The following APP variants were observed in gnomAD, a reference collection of about 807,000 sequenced individuals.
APP encodes the protein amyloid-beta precursor protein.
In APP, 31 loss-of-function variants were observed where a neutral mutation model predicts 101.4. The ratio of observed to expected loss-of-function variants is 0.31; its 90% CI spans 0.23 to 0.41. APP has a LOEUF of 0.41. Ranked by LOEUF, APP falls within the 10% of genes least tolerant of loss-of-function variation. APP has a pLI of 1.00. For missense variants in APP, 839 were observed against 1,003.7 expected (o/e 0.84, Z 2.22); for synonymous variants, 366 against 364.4 (o/e 1.00, Z -0.05).
intron 17 of APP, among the ~76,000 whole-genome samples, chr21:25,887,266 T>C (rs1306308028): frequency 6.6e-6 from 1 of 152,156 alleles, no homozygotes; most frequent in African/African-American, 2.4e-5. Flanking sequence ...TTAGTGGGCT[T>C]TGCAGGAACG....
At chr21:25,907,926 C>G (rs2038873959) in intron 14 of APP, among the ~76,000 whole-genome samples, 1 of 151,648 alleles carries the variant, frequency 6.6e-6, no homozygotes, top group Admixed American at 6.5e-5. Context: ...AAGGCAGCTT[C>G]ACATTTTGCA....
chr21:26,109,277 T>C lies in APP; in HGVS notation c.225+2702A>G, dbSNP rs1179527297. Among the ~76,000 whole-genome samples, 6 of 152,336 alleles carry C rather than the reference T, an allele frequency of 3.9e-5. No homozygotes were observed. The East Asian group carries it at 1.2e-3, about 29-fold the overall frequency. On this transcript the variant is annotated intron_variant, in intron 2 of 17. Coordinates refer to ENST00000346798, the MANE Select transcript of APP (RefSeq NM_000484.4). The stretch of plus-strand genomic sequence containing the variant: ...CATGTCGAATTGTAATTCCCAGTGT[T>C]GGAAGTGGGGTCTGGTGGGAAGGGA...
At chr21:26,085,362 T>A (rs912445978) in intron 3 of APP, among the ~76,000 whole-genome samples, 1 of 152,088 alleles carries the variant, frequency 6.6e-6, no homozygotes, top group African/African-American at 2.4e-5. Context: ...CTGGGCTCAT[T>A]AAATAATGAG....
intron 6 of APP, among the ~76,000 whole-genome samples, chr21:26,014,525 G>T: frequency 6.6e-6 from 1 of 152,210 alleles, no homozygotes; most frequent in Non-Finnish European, 1.5e-5. Context: ...GAAAACTTTT[G>T]TTCCGGGCTG....
chr21:26,019,585 T>C (rs1224748545), intron 6 of APP, among the ~76,000 whole-genome samples: 1 of 152,270 alleles, frequency 6.6e-6, no homozygotes, highest in Admixed American at 6.5e-5. Flanking sequence ...CTGGTCTGTG[T>C]GTGCTCATCA....
At chr21:25,971,815 G>A (rs2042043018) in intron 11 of APP, among the ~76,000 whole-genome samples, 1 of 152,148 alleles carries the variant, frequency 6.6e-6, no homozygotes, top group Non-Finnish European at 1.5e-5. Context: ...TCACTAGTAA[G>A]GAATAACTAG....
At chr21:26,133,939 T>G (rs1281097499) in intron 1 of APP, among the ~76,000 whole-genome samples, 1 of 152,250 alleles carries the variant, frequency 6.6e-6, no homozygotes, top group Non-Finnish European at 1.5e-5. Context: ...TTAACTTGGT[T>G]GTGACTTTGA....
At chr21:26,128,870 A>G (rs2062735713) in intron 1 of APP, among the ~76,000 whole-genome samples, 1 of 152,234 alleles carries the variant, frequency 6.6e-6, no homozygotes, top group South Asian at 2.1e-4. Flanking sequence ...TTTGAAATGG[A>G]TGATCAAGCA....
intron 13 of APP, chr21:25,934,627 G>C (rs2040287943): frequency 1.3e-5 from 2 of 152,094 alleles, no homozygotes; most frequent in African/African-American, 2.4e-5. Context: ...GTTGAGACGG[G>C]GTTTCACCAT....
intron 1 of APP, among the ~76,000 whole-genome samples, chr21:26,166,906 A>AGAGAGAG (rs1569055925): frequency 0.012 from 456 of 38,100 alleles, 3 homozygotes; most frequent in African/African-American, 0.038. Context: ...GAGAGAGAGA[A>AGAGAGAG]AGAGAGAGAA....
At chr21:26,088,875 CA>C (rs1192057027) in intron 3 of APP, among the ~76,000 whole-genome samples, 1 of 152,106 alleles carries the variant, frequency 6.6e-6, no homozygotes, top group African/African-American at 2.4e-5. Flanking sequence ...GTAAATTCAC[CA>C]GGTGAAATCT....
chr21:25,999,429 C>CGGAGGGGGCA (rs2043186087), intron 7 of APP, among the ~76,000 whole-genome samples: 2 of 152,164 alleles, frequency 1.3e-5, no homozygotes, highest in Admixed American at 1.3e-4. Context: ...GTGCTGAGCT[C>CGGAGGGGGCA]GGAGGGGGCA....
At chr21:25,927,656 C>G (rs921015191) in intron 13 of APP, among the ~76,000 whole-genome samples, 1 of 128,960 alleles carries the variant, frequency 7.8e-6, no homozygotes, top group Non-Finnish European at 1.6e-5. Context: ...TTAAATGAAG[C>G]ATGCTTTGTC....
intron 9 of APP, among the ~76,000 whole-genome samples, chr21:25,980,489 A>G (rs910512829): frequency 6.6e-6 from 1 of 152,130 alleles, no homozygotes; most frequent in African/African-American, 2.4e-5. Flanking sequence ...AAAACTTAAT[A>G]ATTCCCTGTG....
At chr21:26,084,228 T>TA (rs2146089451) in intron 3 of APP, among the ~76,000 whole-genome samples, 1 of 9,088 alleles carries the variant, frequency 1.1e-4, no homozygotes, top group East Asian at 3.6e-3. Flanking sequence ...AAGGGCTCCA[T>TA]TTTTTTTTTT....
chr21:26,099,314 T>A (rs1200124021), intron 2 of APP, among the ~76,000 whole-genome samples: 2 of 152,192 alleles, frequency 1.3e-5, no homozygotes, highest in Non-Finnish European at 2.9e-5. Context: ...TCTCAAAGCT[T>A]TTCCATACCA....
At chr21:26,162,257 A>C (rs1403675209) in intron 1 of APP, among the ~76,000 whole-genome samples, 2 of 152,232 alleles carry the variant, frequency 1.3e-5, no homozygotes, top group Non-Finnish European at 2.9e-5. Context: ...TCAGCCCAGG[A>C]GGCCACGGCT....
chr21:25,908,829 A>C (rs2038918586), intron 14 of APP, among the ~76,000 whole-genome samples: 1 of 152,214 alleles, frequency 6.6e-6, no homozygotes, highest in Non-Finnish European at 1.5e-5. Flanking sequence ...ACAGACGAGG[A>C]AGCAGCCAGA....
At chr21:26,059,890 C>CAAAAAAAAAAAAAAAAAAAAA (rs57594630) in intron 3 of APP, among the ~76,000 whole-genome samples, 8 of 70,656 alleles carry the variant, frequency 1.1e-4, no homozygotes, top group South Asian at 6.8e-4. Flanking sequence ...GACTCCGTCT[C>CAAAAAAAAAAAAAAAAAAAAA]AAAAAAAAAA....
Sources: allele counts gnomAD v4.1 joint callset (sites outside exome capture counted in the v4.1 genomes callset), GRCh38; gene constraint gnomAD v4.1.1; transcripts MANE v1.5; gene names NCBI Gene and HGNC (gene_info 2026-07-23, HGNC 2026-07-21).